The following WAPL variants were observed in gnomAD, a reference collection of about 807,000 sequenced individuals.
WAPL encodes wings apart-like protein homolog.
A neutral mutation model predicts 121.0 loss-of-function variants in WAPL; 5 were observed. The observed-to-expected ratio is 0.04, with a 90% CI of 0.02 to 0.09. The LOEUF (loss-of-function observed/expected upper bound fraction) is 0.09, where lower values mean the gene tolerates loss of function less well. Among genes scored for constraint, WAPL ranks in the 10% least tolerant of loss-of-function variants. The pLI, the probability that WAPL is intolerant of heterozygous loss-of-function variation, is 1.00. For missense variants in WAPL, 999 were observed against 1,410.8 expected, an observed-to-expected ratio of 0.71 and a Z score of 4.68; for synonymous variants, 480 against 481.5, an observed-to-expected ratio of 1.00 and a Z score of 0.04.
At chr10:86,455,282 T>C (rs1008886200) in intron 12 of WAPL, among the ~76,000 whole-genome samples, 4 of 152,220 alleles carry the variant, frequency 2.6e-5, no homozygotes, top group African/African-American at 7.2e-5. Flanking sequence ...CAGATTGTTA[T>C]TGTGTCTGTG....
intron 5 of WAPL, among the ~76,000 whole-genome samples, chr10:86,473,213 A>G (rs1394486779): frequency 6.6e-6 from 1 of 152,234 alleles, no homozygotes; most frequent in Non-Finnish European, 1.5e-5. Flanking sequence ...TACTACTAAT[A>G]TACAAAATGA....
intron 9 of WAPL, among the ~76,000 whole-genome samples, chr10:86,465,325 A>T (rs931138035): frequency 2.6e-5 from 4 of 151,848 alleles, no homozygotes; most frequent in Non-Finnish European, 5.9e-5. Context: ...CATGTCTCAG[A>T]CTCCCAAGTA....
chr10:86,458,925 G>T, intron 12 of WAPL, 64 bp downstream of exon 12: 1 of 1,352,050 alleles, frequency 7.4e-7, no homozygotes, highest in Non-Finnish European at 1.0e-6. Context: ...TTTCATTTAT[G>T]GTCAATCCAA....
intron 4 of WAPL, among the ~76,000 whole-genome samples, chr10:86,492,938 A>G (rs556341024): frequency 1.4e-4 from 21 of 151,992 alleles, no homozygotes; most frequent in Non-Finnish European, 3.1e-4. Context: ...GTGGGCGCCT[A>G]TAGTCCCACC....
chr10:86,511,898 G>A (rs1350488458), intron 2 of WAPL, among the ~76,000 whole-genome samples: 2 of 152,098 alleles, frequency 1.3e-5, no homozygotes, highest in Non-Finnish European at 2.9e-5. Context: ...CAGCCTGGAT[G>A]AGAGAGTAAG....
intron 14 of WAPL, among the ~76,000 whole-genome samples, chr10:86,452,638 C>A (rs1301651086): frequency 2.6e-5 from 4 of 151,820 alleles, no homozygotes; most frequent in Non-Finnish European, 5.9e-5. Flanking sequence ...AACAAAAAAA[C>A]CACCGATTTT....
Position 86,472,430 on chromosome 10 carries a change from A to C in WAPL, c.1894-86T>G. 2 of 1,532,884 alleles carry C rather than the reference A, an allele frequency of 1.3e-6. No homozygotes were observed. The allele number at this position is 1,532,884 out of a possible 1,614,324, so 95.0% of individuals were successfully genotyped here. ...GGCTCACTGTACTTTACATAAGTGC[A>C]TAAAATAGTTCATTAGATGGCAACA... is the stretch of plus-strand genomic sequence containing the variant. On this transcript the variant is annotated intron_variant, in intron 6 of 18. Coordinates refer to ENST00000298767, the MANE Select transcript of WAPL (RefSeq NM_015045.5). This position sits in a 1 kb window ranked among gnomAD's most constrained non-coding sequence, Gnocchi z 4.2.
chr10:86,485,462 A>G (rs1289911052), intron 4 of WAPL, among the ~76,000 whole-genome samples: 1 of 152,126 alleles, frequency 6.6e-6, no homozygotes, highest in Non-Finnish European at 1.5e-5. Flanking sequence ...ACTTGAACCC[A>G]AGAGACAGAG....
chr10:86,474,901 G>A (rs912752091), intron 4 of WAPL, among the ~76,000 whole-genome samples: 9 of 152,106 alleles, frequency 5.9e-5, no homozygotes, highest in African/African-American at 2.2e-4. Context: ...CCAGCTGTGT[G>A]CCACCACTCA....
intron 17 of WAPL, among the ~76,000 whole-genome samples, chr10:86,438,874 T>C (rs141324628): frequency 5.2e-4 from 79 of 152,312 alleles, no homozygotes; most frequent in East Asian, 2.9e-3. Flanking sequence ...CCAAACTATA[T>C]ATAAACCAAT....
At chr10:86,459,730 T>A (rs1350505433) in intron 11 of WAPL, among the ~76,000 whole-genome samples, 1 of 152,184 alleles carries the variant, frequency 6.6e-6, no homozygotes, top group African/African-American at 2.4e-5. Context: ...AAAATGCTAA[T>A]AACAATTTAA....
chr10:86,446,506 T>C, intron 15 of WAPL, 57 bp from the exon 16 acceptor site: 1 of 1,503,884 alleles, frequency 6.6e-7, no homozygotes, highest in Non-Finnish European at 9.1e-7. Context: ...AATATGCATA[T>C]ATGCAAATAT....
intron 4 of WAPL, among the ~76,000 whole-genome samples, chr10:86,474,340 C>A (rs1417117503): frequency 6.6e-6 from 1 of 151,678 alleles, no homozygotes; most frequent in Non-Finnish European, 1.5e-5. Context: ...ATAGTGAAAC[C>A]CCATCTCTAC....
intron 2 of WAPL, among the ~76,000 whole-genome samples, chr10:86,505,422 G>C (rs1457852555): frequency 6.8e-6 from 1 of 147,772 alleles, no homozygotes; most frequent in African/African-American, 2.5e-5. Flanking sequence ...GAGTAGCTGG[G>C]ACTACAGGCG....
At chr10:86,442,135 G>A (rs886658150) in intron 17 of WAPL, among the ~76,000 whole-genome samples, 6 of 152,104 alleles carry the variant, frequency 3.9e-5, no homozygotes, top group Non-Finnish European at 7.4e-5. Flanking sequence ...CAAGCGATTC[G>A]ATTCTTGCGT....
chr10:86,503,797 T>A (rs1842291967), intron 2 of WAPL, among the ~76,000 whole-genome samples: 1 of 151,576 alleles, frequency 6.6e-6, no homozygotes, highest in East Asian at 1.9e-4. Context: ...TATCATTAGT[T>A]GCTAGGGAAA....
rs531508427 is a variant in WAPL, at chr10:86,450,959, T to C, written c.3114+1008A>G. On this transcript the variant is annotated intron_variant, in intron 15 of 18. Transcript: ENST00000298767. ...TCACAATTTCCCATGCTCGGCTACT[T>C]TGCCACTTTCCAGACTGGGTAAGGG... is the stretch of plus-strand genomic sequence containing the variant. Among the ~76,000 whole-genome samples, 338 of 152,316 alleles carry C rather than the reference T, an allele frequency of 2.2e-3. 1 individual carries two copies. The highest frequency in any genetic ancestry group is 3.5e-3 in the Non-Finnish European group (241 of 68,020).
At chr10:86,513,154 T>C (rs1223792637) in intron 2 of WAPL, among the ~76,000 whole-genome samples, 2 of 151,746 alleles carry the variant, frequency 1.3e-5, no homozygotes, top group Non-Finnish European at 2.9e-5. Flanking sequence ...TCAAGCAATT[T>C]CCGCTAATTT....
rs1849621174 is a variant in WAPL at position 86,446,433 on chromosome 10, T to C, written c.3131A>G (p.Glu1044Gly). Residue 1044 changes from glutamate to glycine, a missense_variant, in exon 16 of 19, where the codon GAG (glutamate) becomes GGG (glycine). Around this residue, in one of 7 missense-constraint regions of WAPL, gnomAD observed 126 missense variants for 144.0 expected, o/e 0.87. Transcript: ENST00000298767. The stretch of plus-strand genomic sequence containing the variant: ...ACTTTCTGCTAGCTGGGCTGCCCGC[T>C]CTCGCTCAAGGAATAGCTGATAAAA... ...QALVQLFLER[E>G]RAAQLAESKT... 1 of 1,614,066 alleles carries C rather than the reference T, an allele frequency of 6.2e-7. No individual in the cohort carries two copies. The highest frequency in any genetic ancestry group is 8.5e-7 in the Non-Finnish European group (1 of 1,180,010).
Sources: allele counts gnomAD v4.1 joint callset (sites outside exome capture counted in the v4.1 genomes callset), GRCh38; gene constraint gnomAD v4.1.1; regional missense constraint gnomAD v4.1.1; non-coding constraint Gnocchi (gnomAD v3.1); transcripts MANE v1.5; gene names NCBI Gene and HGNC (gene_info 2026-07-23, HGNC 2026-07-21).